ZNF385D: variants seen among roughly 807,000 people sequenced by gnomAD.
ZNF385D encodes the protein zinc finger protein 385D.
Under a neutral mutation model 35.8 loss-of-function variants are expected in ZNF385D, and 15 were observed. The observed-to-expected ratio is 0.42, with a 90% confidence interval of 0.28 to 0.64. The LOEUF is 0.64. Ranked by LOEUF, ZNF385D falls within the 30% of genes least tolerant of loss-of-function variation. The probability of loss-of-function intolerance (pLI) is 0.23; values close to 1 mark genes in which losing one functional copy is unlikely to be tolerated. For missense variants in ZNF385D, 474 were observed against 494.6 expected (o/e 0.96, Z 0.39); for synonymous variants, 212 against 186.8 (o/e 1.13, Z -1.10).
At chr3:22,253,487 A>T (rs546765468) in intron 2 of ZNF385D, among the ~76,000 whole-genome samples, 27 of 152,120 alleles carry the variant, frequency 1.8e-4, no homozygotes, top group African/African-American at 6.5e-4. Flanking sequence ...GAGAGTTTTC[A>T]ATCAATACAC....
chr3:22,168,170 A>G (rs1706456962), intron 3 of ZNF385D, among the ~76,000 whole-genome samples: 1 of 152,172 alleles, frequency 6.6e-6, no homozygotes, highest in Admixed American at 6.5e-5. Flanking sequence ...AGCTCTCTAA[A>G]GTCTCCTCTG....
intron 3 of ZNF385D, among the ~76,000 whole-genome samples, chr3:21,812,618 C>T (rs1039952620): frequency 7.2e-5 from 11 of 152,184 alleles, no homozygotes; most frequent in South Asian, 4.1e-4. Context: ...AGTCCGAGAT[C>T]GAACTGCAAG....
intron 3 of ZNF385D, among the ~76,000 whole-genome samples, chr3:22,002,769 G>A (rs1259813530): frequency 1.3e-5 from 2 of 152,128 alleles, no homozygotes; most frequent in Admixed American, 1.3e-4. Context: ...TCCTAGGGTT[G>A]CAAGATTTGT....
At chr3:21,489,673 A>T (rs1248636046) in intron 4 of ZNF385D, among the ~76,000 whole-genome samples, 1 of 151,986 alleles carries the variant, frequency 6.6e-6, no homozygotes, top group Admixed American at 6.6e-5. Context: ...ACTTATCAAC[A>T]CTAGTGTTTT....
rs140268815 is a variant in ZNF385D at position 21,674,954 on chromosome 3, A to G, written c.23-9926T>C. Among the ~76,000 whole-genome samples, 510 of 146,970 alleles carry G rather than the reference A, an allele frequency of 3.5e-3. 4 individuals are homozygous for G. Among genetic ancestry groups the G allele is most frequent in the African/African-American group, 0.012 (480 of 39,730 alleles). On this transcript the variant is annotated intron_variant, in intron 1 of 7. Transcript: ENST00000281523. ...TGGATGCATGGATGGATGGATGGAA[A>G]AATGAGTGAGCAAACAAATGAATAC...
intron 3 of ZNF385D, among the ~76,000 whole-genome samples, chr3:21,563,028 G>A (rs572053038): frequency 6.0e-4 from 91 of 152,264 alleles, no homozygotes; most frequent in Non-Finnish European, 1.1e-3. Flanking sequence ...TTAAGTGCTG[G>A]TATGGTCTGA....
intron 3 of ZNF385D, among the ~76,000 whole-genome samples, chr3:22,126,371 C>G (rs971458534): frequency 1.6e-5 from 2 of 124,830 alleles, no homozygotes; most frequent in African/African-American, 6.1e-5. Flanking sequence ...TAACCTTCCT[C>G]TTACTAAGGT....
In ZNF385D at chr3:21,418,327, C is replaced by G. The variant is rs1700600767; in HGVS notation, c.*2887G>C. ...AAAAAGTTCCCTAAGGGAAAAGATA[C>G]AGTTTTATGGCAGCCTGAACTATAA... is the stretch of plus-strand genomic sequence containing the variant. On this transcript the variant is annotated 3_prime_UTR_variant, in exon 8 of 8. Transcript: ENST00000281523. The G allele has an allele frequency of 6.6e-6, 1 of 152,056 alleles. No homozygotes were observed. Among genetic ancestry groups the G allele is most frequent in the Admixed American group, 6.6e-5 (1 of 15,254 alleles). 9.4% of individuals were successfully genotyped at this position (152,056 alleles called of 1,614,324 possible).
At chr3:21,760,317 G>A (rs1478562357) in intron 3 of ZNF385D, among the ~76,000 whole-genome samples, 3 of 152,198 alleles carry the variant, frequency 2.0e-5, no homozygotes, top group Non-Finnish European at 2.9e-5. Flanking sequence ...TACAACTGGA[G>A]GAACTTAATT....
intron 3 of ZNF385D, among the ~76,000 whole-genome samples, chr3:22,147,343 C>A (rs567548284): frequency 6.6e-6 from 1 of 152,158 alleles, no homozygotes; most frequent in African/African-American, 2.4e-5. Flanking sequence ...GGAACCACAC[C>A]TGGCTTTTCA....
chr3:21,876,071 T>C (rs78420147), intron 3 of ZNF385D, among the ~76,000 whole-genome samples: 4,524 of 152,142 alleles, frequency 0.03, 216 homozygotes, highest in African/African-American at 0.099. Context: ...CTTTACAGTC[T>C]CCCAAAGTAT....
intron 3 of ZNF385D, among the ~76,000 whole-genome samples, chr3:22,010,057 A>C (rs1696472640): frequency 6.6e-6 from 1 of 152,210 alleles, no homozygotes; most frequent in Admixed American, 6.5e-5. Flanking sequence ...TCCCACAATT[A>C]AGCTAATCAT....
At chr3:21,622,383 G>T (rs1219280089) in intron 2 of ZNF385D, among the ~76,000 whole-genome samples, 1 of 152,056 alleles carries the variant, frequency 6.6e-6, no homozygotes, top group Non-Finnish European at 1.5e-5. Context: ...GTTTGGTACT[G>T]AACCTGTCAA....
At chr3:21,484,874 C>T (rs1001829857) in intron 4 of ZNF385D, among the ~76,000 whole-genome samples, 1 of 152,118 alleles carries the variant, frequency 6.6e-6, no homozygotes, top group Admixed American at 6.6e-5. Context: ...GTACTTCTAG[C>T]TTGCAGACTG....
At chr3:21,459,982 A>G (rs1340541590) in intron 4 of ZNF385D, among the ~76,000 whole-genome samples, 1 of 152,196 alleles carries the variant, frequency 6.6e-6, no homozygotes, top group African/African-American at 2.4e-5. Context: ...TGCCACAACC[A>G]TCAGCCCATG....
intron 3 of ZNF385D, among the ~76,000 whole-genome samples, chr3:21,920,472 T>C (rs1700400636): frequency 1.3e-5 from 2 of 152,122 alleles, no homozygotes; most frequent in African/African-American, 4.8e-5. Flanking sequence ...TAGTAGGTTT[T>C]TTTTAGGTTT....
chr3:22,190,465 A>C (rs1695941326), intron 2 of ZNF385D, among the ~76,000 whole-genome samples: 1 of 152,198 alleles, frequency 6.6e-6, no homozygotes, highest in Admixed American at 6.6e-5. Flanking sequence ...TGTCTAGAGG[A>C]AATTTTTCCA....
intron 2 of ZNF385D, among the ~76,000 whole-genome samples, chr3:21,571,549 A>C (rs1249685412): frequency 6.6e-6 from 1 of 152,122 alleles, no homozygotes; most frequent in East Asian, 1.9e-4. Context: ...TGGTTGTTAC[A>C]GTACTGCAAT....
intron 2 of ZNF385D, among the ~76,000 whole-genome samples, chr3:22,358,396 G>C (rs1373584858): frequency 6.6e-6 from 1 of 151,840 alleles, no homozygotes; most frequent in Admixed American, 6.6e-5. Flanking sequence ...CTTCATTTTT[G>C]AACAAAATGC....
Sources: gnomAD v4.1 joint callset for allele counts (sites outside exome capture counted in the v4.1 genomes callset) on GRCh38, gnomAD v4.1.1 for gene constraint, MANE v1.5 for transcripts, NCBI Gene and HGNC (gene_info 2026-07-23, HGNC 2026-07-21) for gene names.